The following STARD9 variants were observed in gnomAD, a reference collection of about 807,000 sequenced individuals.
STARD9 encodes the protein stAR-related lipid transfer protein 9.
Under a neutral mutation model 399.8 loss-of-function variants are expected in STARD9, and 346 were observed. The ratio of observed to expected loss-of-function variants is 0.87; its 90% confidence interval spans 0.79 to 0.95. The LOEUF (loss-of-function observed/expected upper bound fraction) is 0.95, where lower values mean the gene tolerates loss of function less well. Ranked by LOEUF, STARD9 falls within the 40% of genes least tolerant of loss-of-function variation. The pLI is 0.00. For missense variants in STARD9, 5,832 were observed against 5,667.5 expected, an observed-to-expected ratio of 1.03 and a Z score of -0.93; for synonymous variants, 2,203 against 2,143.5, an observed-to-expected ratio of 1.03 and a Z score of -0.77.
chr15:42,656,530 T>C (rs2059877007), intron 9 of STARD9, among the ~76,000 whole-genome samples: 1 of 152,026 alleles, frequency 6.6e-6, no homozygotes, highest in Non-Finnish European at 1.5e-5. Flanking sequence ...TACTTGCACA[T>C]GCATGTTTTA....
chr15:42,657,538 A>G (rs1458024123), intron 9 of STARD9, among the ~76,000 whole-genome samples: 1 of 152,232 alleles, frequency 6.6e-6, no homozygotes, highest in Non-Finnish European at 1.5e-5. Context: ...AGACAGTTCA[A>G]CAATGGTTGG....
chr15:42,678,761 A>T (rs879895935), intron 20 of STARD9, among the ~76,000 whole-genome samples: 29 of 152,212 alleles, frequency 1.9e-4, no homozygotes, highest in Non-Finnish European at 3.5e-4. Flanking sequence ...CAATTACCTG[A>T]TAAAGACAGA....
chr15:42,658,640 G>A (rs1259307488), intron 9 of STARD9, among the ~76,000 whole-genome samples: 1 of 151,676 alleles, frequency 6.6e-6, no homozygotes, highest in African/African-American at 2.4e-5. Context: ...GCATTACCAT[G>A]CCTGGCTAAT....
chr15:42,687,913 A>T lies in STARD9; in HGVS notation c.6335A>T (p.Asp2112Val). Reference protein sequence around the residue: ...DSSGNPLPSKDQPSSPRQTDD... With the variant: ...DSSGNPLPSKVQPSSPRQTDD... ...TCTGGAAACCCTTTGCCCTCTAAGG[A>T]TCAGCCATCTTCTCCAAGACAGACA... The change falls in exon 23 of 33, where the codon GAT becomes GTT. Residue 2112 changes from aspartate to valine, a missense_variant. This residue lies in a region of STARD9 where 5,828 missense variants were observed against 5,651.1 expected (regional missense o/e 1.03). Coordinates refer to ENST00000290607, the MANE Select transcript of STARD9 (RefSeq NM_020759.3). 1 of 1,537,294 alleles carries T rather than the reference A, an allele frequency of 6.5e-7. No individual in the cohort carries two copies. The highest frequency in any genetic ancestry group is 8.7e-7 in the Non-Finnish European group (1 of 1,146,934).
Position 42,695,131 on chromosome 15 carries a change from C to G in STARD9, c.12963-9C>G. ...CACCATGTTCTTTCCACCCCGTGATCTTCCTCAGGAGCCCAGAGTCAGTGT... is the reference window on the plus strand; with the variant it reads ...CACCATGTTCTTTCCACCCCGTGATGTTCCTCAGGAGCCCAGAGTCAGTGT... On this transcript the variant is annotated splice_polypyrimidine_tract_variant and intron_variant, in intron 24 of 32. Coordinates refer to ENST00000290607, the MANE Select transcript of STARD9 (RefSeq NM_020759.3). 6.6e-7 allele frequency: 1 copy of G among 1,520,234 alleles called. No individual in the cohort carries two copies. The allele number at this position is 1,520,234 out of a possible 1,614,324, so 94.2% of individuals were successfully genotyped here. A position where few individuals can be genotyped will look rare whatever the true frequency, so the allele number is the denominator to read the frequency against.
Position 42,693,496 on chromosome 15 carries a change from G to A in STARD9, c.11918G>A (p.Gly3973Glu). ...AGAAGTTCCTTACAAAGGAGTAATG[G>A]GAGATCCTTCCTTGAGTTGCACTCC... ...RGRSSLQRSN[G>E]RSFLELHSPH... The change falls in exon 23 of 33, where the codon GGG becomes GAG. Residue 3973 changes from glycine (G) to glutamate (E), a missense_variant. This residue lies in a region of STARD9 where 5,828 missense variants were observed against 5,651.1 expected (regional missense o/e 1.03). Coordinates refer to ENST00000290607, the MANE Select transcript of STARD9 (RefSeq NM_020759.3). 1 of 1,537,246 alleles carries A rather than the reference G, an allele frequency of 6.5e-7. No individual in the cohort carries two copies. Among genetic ancestry groups the A allele is most frequent in the Non-Finnish European group, 8.7e-7 (1 of 1,146,916 alleles).
In STARD9 at chr15:42,693,867, G is replaced by A. The variant is rs61997204; in HGVS notation, c.12289G>A (p.Ala4097Thr). The part of the protein sequence containing the change: ...PCPVSELTDT[A>T]GLRGSALGLP... ...CCCTGTCTCTGAGTTGACTGATACT[G>A]CAGGGCTCCGAGGTTCTGCCTTGGG... Residue 4097 changes from alanine (A) to threonine (T), a missense_variant, in exon 23 of 33, where the codon GCA (alanine) becomes ACA (threonine). Ala to Thr is a moderately conservative substitution (Grantham distance 58). This residue lies in a region of STARD9 where 5,828 missense variants were observed against 5,651.1 expected (regional missense o/e 1.03). Transcript: ENST00000290607. The A allele has an allele frequency of 9.8e-4, 1,512 of 1,535,772 alleles. 7 individuals carry two copies. The African/African-American group carries it at 0.019, about 19-fold the overall frequency.
intron 3 of STARD9, 64 bp from the exon 4 acceptor site, chr15:42,634,792 T>G: frequency 1.4e-6 from 1 of 709,080 alleles, no homozygotes; most frequent in Non-Finnish European, 2.2e-6. Flanking sequence ...GATTAGAAAA[T>G]AATTCTAAAT....
intron 3 of STARD9, among the ~76,000 whole-genome samples, chr15:42,621,729 G>A (rs1383000255): frequency 6.6e-6 from 1 of 152,170 alleles, no homozygotes; most frequent in Admixed American, 6.5e-5. Flanking sequence ...ACTATGTATG[G>A]AGAAACCCTT....
intron 3 of STARD9, among the ~76,000 whole-genome samples, chr15:42,588,497 A>G (rs1472037762): frequency 6.6e-6 from 1 of 152,094 alleles, no homozygotes; most frequent in African/African-American, 2.4e-5. Context: ...TGAGTCCCTC[A>G]TTGGTCCCAG....
At chr15:42,651,411 G>T (rs1172339404) in intron 8 of STARD9, among the ~76,000 whole-genome samples, 1 of 152,108 alleles carries the variant, frequency 6.6e-6, no homozygotes, top group Non-Finnish European at 1.5e-5. Flanking sequence ...CTCTCCTCAG[G>T]TTTGATAGAT....
intron 3 of STARD9, among the ~76,000 whole-genome samples, chr15:42,625,052 A>C (rs1352087770): frequency 2.6e-5 from 4 of 152,118 alleles, no homozygotes; most frequent in African/African-American, 4.8e-5. Context: ...TTTTTGATAC[A>C]GTCTCATTCT....
intron 3 of STARD9, among the ~76,000 whole-genome samples, chr15:42,619,435 C>T (rs1443794937): frequency 6.6e-6 from 1 of 151,662 alleles, no homozygotes; most frequent in Non-Finnish European, 1.5e-5. Flanking sequence ...CATGGTGGCA[C>T]ACATCTGTAG....
In STARD9 at chr15:42,694,205, C is replaced by G. The variant is rs886304600; in HGVS notation, c.12627C>G (p.Ser4209Arg). ...LQVGAQNLSL[S>R]VELTEAKLHH... Reference sequence around the variant, plus strand: ...TTGGGGCCCAGAACCTCTCACTCAGCGTGGAACTCACAGAAGCGAAACTGC... The same window carrying G: ...TTGGGGCCCAGAACCTCTCACTCAGGGTGGAACTCACAGAAGCGAAACTGC... Residue 4209 changes from serine (S) to arginine (R), a missense_variant, in exon 23 of 33, where the codon AGC becomes AGG. Ser to Arg is a moderately radical substitution (Grantham distance 110). This residue lies in a region of STARD9 where 5,828 missense variants were observed against 5,651.1 expected (regional missense o/e 1.03). Transcript: ENST00000290607. 6.5e-7 allele frequency: 1 copy of G among 1,535,676 alleles called. No individual in the cohort carries two copies. The highest frequency in any genetic ancestry group is 2.4e-5 in the East Asian group (1 of 40,898).
intron 3 of STARD9, among the ~76,000 whole-genome samples, chr15:42,617,532 T>C (rs367883236): frequency 2.0e-5 from 3 of 151,986 alleles, no homozygotes; most frequent in African/African-American, 4.8e-5. Flanking sequence ...CTAGTTGGAA[T>C]TGGATTCAAG....
intron 24 of STARD9, 131 bp from the exon 25 acceptor site, chr15:42,695,009 A>G: frequency 3.5e-6 from 3 of 857,198 alleles, no homozygotes; most frequent in Non-Finnish European, 3.5e-6. Flanking sequence ...AAAAAATCAT[A>G]CTTTAAAACC....
At position 42,693,880 on chromosome 15, in the gene STARD9, G is replaced by C. The variant is rs1380245280; in HGVS notation, c.12302G>C (p.Gly4101Ala). 1 of 1,533,912 alleles carries C rather than the reference G, an allele frequency of 6.5e-7. No individual in the cohort carries two copies. The highest frequency in any genetic ancestry group is 2.4e-5 in the East Asian group (1 of 40,884). Reference sequence around the variant, plus strand: ...TTGACTGATACTGCAGGGCTCCGAGGTTCTGCCTTGGGCCTCCCTCAGGCC... The same window carrying C: ...TTGACTGATACTGCAGGGCTCCGAGCTTCTGCCTTGGGCCTCCCTCAGGCC... Reference protein sequence around the residue: ...SELTDTAGLRGSALGLPQACQ... With the variant: ...SELTDTAGLRASALGLPQACQ... Residue 4101 changes from glycine (G) to alanine (A), a missense_variant, in exon 23 of 33, where the codon GGT (glycine) becomes GCT (alanine). By Grantham distance (60) the Gly-to-Ala change is moderately conservative (BLOSUM62 0). Transcript: ENST00000290607.
chr15:42,675,587 A>G, intron 18 of STARD9, 77 bp from the exon 19 acceptor site: 2 of 1,124,768 alleles, frequency 1.8e-6, no homozygotes, highest in Non-Finnish European at 2.6e-6. Context: ...TTTGTCTCAC[A>G]GAGCAGTGCC....
At chr15:42,704,285 A>G (rs1469553103) in intron 26 of STARD9, among the ~76,000 whole-genome samples, 1 of 152,168 alleles carries the variant, frequency 6.6e-6, no homozygotes, top group East Asian at 1.9e-4. Flanking sequence ...CTTGAAGTTT[A>G]TTGGGCTACC....
Sources: gnomAD v4.1 joint callset for allele counts (sites outside exome capture counted in the v4.1 genomes callset) on GRCh38, gnomAD v4.1.1 for gene constraint, gnomAD v4.1.1 regional missense constraint, MANE v1.5 for transcripts, NCBI Gene and HGNC (gene_info 2026-07-23, HGNC 2026-07-21) for gene names.